The following AKAP19 variants were observed in gnomAD, a reference collection of about 807,000 sequenced individuals.
AKAP19 encodes the protein small A-kinase anchoring protein.
At chr2:189,993,612 C>T in the AKAP19 span, among the ~76,000 whole-genome samples, 1 of 152,118 alleles carries the variant, frequency 6.6e-6, no homozygotes, top group Non-Finnish European at 1.5e-5. Context: ...TAGAATTCAG[C>T]TGTGAGTCTG....
chr2:190,115,216 AAGG>A, the AKAP19 span, among the ~76,000 whole-genome samples: 2 of 121,210 alleles, frequency 1.7e-5, no homozygotes, highest in South Asian at 3.2e-4. Flanking sequence ...ACAGAGAGAG[AAGG>A]AGAAGTAGAA....
the AKAP19 span, among the ~76,000 whole-genome samples, chr2:190,192,299 T>C: frequency 6.6e-6 from 1 of 152,118 alleles, no homozygotes; most frequent in Non-Finnish European, 1.5e-5. Context: ...TTCTGTTTCA[T>C]AGGTTTGTGG....
the AKAP19 span, among the ~76,000 whole-genome samples, chr2:190,013,764 C>T: frequency 2.0e-5 from 3 of 152,054 alleles, no homozygotes; most frequent in African/African-American, 4.8e-5. Flanking sequence ...ATGATCCACC[C>T]ACCTCGGCCT....
At chr2:189,981,579 G>A in the AKAP19 span, among the ~76,000 whole-genome samples, 2 of 152,152 alleles carry the variant, frequency 1.3e-5, no homozygotes, top group Non-Finnish European at 2.9e-5. Flanking sequence ...TCACAATTGT[G>A]TAATTGCTAT....
the AKAP19 span, among the ~76,000 whole-genome samples, chr2:190,048,430 A>G: frequency 3.9e-5 from 6 of 152,182 alleles, no homozygotes; most frequent in Non-Finnish European, 8.8e-5. Flanking sequence ...GTTTAGTTCA[A>G]TGATGTATAT....
the AKAP19 span, among the ~76,000 whole-genome samples, chr2:190,100,760 A>G: frequency 6.6e-6 from 1 of 152,252 alleles, no homozygotes; most frequent in Non-Finnish European, 1.5e-5. Flanking sequence ...AAGATAGTAC[A>G]TAAAGATCAA....
the AKAP19 span, among the ~76,000 whole-genome samples, chr2:189,889,293 C>T: frequency 3.9e-5 from 6 of 152,138 alleles, no homozygotes; most frequent in African/African-American, 1.2e-4. Flanking sequence ...CCGACTTGAT[C>T]GTGTTGGATA....
the AKAP19 span, among the ~76,000 whole-genome samples, chr2:190,193,698 T>G: frequency 1.3e-5 from 2 of 152,170 alleles, no homozygotes; most frequent in Non-Finnish European, 2.9e-5. Context: ...ATTACACATC[T>G]TAATATGTGA....
chr2:190,045,623 C>A, the AKAP19 span, among the ~76,000 whole-genome samples: 1 of 152,208 alleles, frequency 6.6e-6, no homozygotes, highest in African/African-American at 2.4e-5. Flanking sequence ...GGGAAGCCCA[C>A]CCCTAACTCC....
chr2:190,180,853 C>T, the AKAP19 span: 5 of 985,122 alleles, frequency 5.1e-6, no homozygotes, highest in Admixed American at 1.8e-4. The surrounding 1 kb of genome is among the most constrained non-coding windows in gnomAD (Gnocchi z 6.8). Flanking sequence ...CGAAGGACGC[C>T]CCGTCCTCCA....
chr2:190,038,316 G>A, the AKAP19 span, among the ~76,000 whole-genome samples: 1 of 152,104 alleles, frequency 6.6e-6, no homozygotes, highest in Admixed American at 6.5e-5. Flanking sequence ...TCAACAAGCT[G>A]CACCCTCTTG....
the AKAP19 span, among the ~76,000 whole-genome samples, chr2:190,102,207 A>G: frequency 6.6e-6 from 1 of 152,176 alleles, no homozygotes; most frequent in African/African-American, 2.4e-5. Context: ...AGGAAAGTTC[A>G]TAGCACTAAA....
chr2:190,129,670 A>C, the AKAP19 span, among the ~76,000 whole-genome samples: 1 of 152,256 alleles, frequency 6.6e-6, no homozygotes, highest in East Asian at 1.9e-4. Context: ...AGAGGCAATA[A>C]TATTAGCAAG....
the AKAP19 span, among the ~76,000 whole-genome samples, chr2:190,133,974 A>G: frequency 6.6e-6 from 1 of 152,170 alleles, no homozygotes; most frequent in Non-Finnish European, 1.5e-5. Flanking sequence ...TTGCTTAGAG[A>G]GTAGATTTTA....
the AKAP19 span, among the ~76,000 whole-genome samples, chr2:190,026,321 A>G: frequency 2.6e-5 from 4 of 152,218 alleles, no homozygotes; most frequent in Admixed American, 1.3e-4. Context: ...CTCTTTACAG[A>G]GAAAATTTGG....
At chr2:189,942,029 T>C in the AKAP19 span, among the ~76,000 whole-genome samples, 1 of 152,062 alleles carries the variant, frequency 6.6e-6, no homozygotes, top group South Asian at 2.1e-4. Flanking sequence ...TTAGATAAAA[T>C]AGACTACAAA....
At chr2:189,926,257 A>G in the AKAP19 span, among the ~76,000 whole-genome samples, 1 of 152,178 alleles carries the variant, frequency 6.6e-6, no homozygotes, top group African/African-American at 2.4e-5. Flanking sequence ...GCACAGATAG[A>G]AAGATGCGCA....
the AKAP19 span, among the ~76,000 whole-genome samples, chr2:189,984,998 G>C: frequency 6.6e-6 from 1 of 152,078 alleles, no homozygotes; most frequent in Non-Finnish European, 1.5e-5. Context: ...CTCTGTCCTT[G>C]GGAAAATCTC....
At chr2:190,035,901 T>C in the AKAP19 span, among the ~76,000 whole-genome samples, 1 of 152,150 alleles carries the variant, frequency 6.6e-6, no homozygotes, top group Non-Finnish European at 1.5e-5. Context: ...ATTGTGGATG[T>C]ATGTATTTAT....
Sources: allele counts gnomAD v4.1 joint callset (sites outside exome capture counted in the v4.1 genomes callset), GRCh38; gene constraint gnomAD v4.1.1; non-coding constraint Gnocchi (gnomAD v3.1); transcripts MANE v1.5; gene names NCBI Gene and HGNC (gene_info 2026-07-23, HGNC 2026-07-21).